ADAMTS12: variants seen among roughly 807,000 people sequenced by gnomAD.
ADAMTS12 encodes ADAM metallopeptidase with thrombospondin type 1 motif 12.
In ADAMTS12, 118 loss-of-function variants were observed where a neutral mutation model predicts 167.8. That is an observed-to-expected ratio of 0.70 (90% CI 0.61 to 0.82). The LOEUF (loss-of-function observed/expected upper bound fraction) is 0.82, where lower values mean the gene tolerates loss of function less well. ADAMTS12 is among the 40% of genes least tolerant of loss of function. ADAMTS12 has a pLI of 0.00. For missense variants in ADAMTS12, 1,916 were observed against 1,998.8 expected, an observed-to-expected ratio of 0.96 and a Z score of 0.79; for synonymous variants, 704 against 716.9, an observed-to-expected ratio of 0.98 and a Z score of 0.29.
At chr5:33,753,419 T>C (rs975097202) in intron 2 of ADAMTS12, among the ~76,000 whole-genome samples, 4 of 152,202 alleles carry the variant, frequency 2.6e-5, no homozygotes, top group Non-Finnish European at 5.9e-5. Context: ...GTACTGAGAT[T>C]TGGTTCCGTT....
At chr5:33,730,638 T>C (rs538800054) in intron 3 of ADAMTS12, among the ~76,000 whole-genome samples, 10 of 152,312 alleles carry the variant, frequency 6.6e-5, no homozygotes, top group Admixed American at 1.3e-4. Flanking sequence ...GTTGCTTCCA[T>C]TGACCTACAG....
intron 16 of ADAMTS12, among the ~76,000 whole-genome samples, chr5:33,613,362 C>T (rs1366242061): frequency 2.0e-5 from 3 of 152,200 alleles, no homozygotes; most frequent in African/African-American, 7.2e-5. Flanking sequence ...TGGGAAAGTT[C>T]ATCCAGCACT....
Position 33,552,663 on chromosome 5 carries a change from G to A in ADAMTS12, c.4126-3280C>T, listed in dbSNP as rs182286732. Among the ~76,000 whole-genome samples, 74 of 152,176 alleles carry A rather than the reference G, an allele frequency of 4.9e-4. 1 individual carries two copies. The East Asian group carries it at 0.013, about 26-fold the overall frequency. The stretch of plus-strand genomic sequence containing the variant: ...ATTCATAAGACCCTTAAAATAATTC[G>A]AAGATCAGATAGTTGTAGGTGTGTG... On this transcript the variant is annotated intron_variant, in intron 20 of 23. Transcript: ENST00000504830.
chr5:33,891,984 C>A lies in ADAMTS12; in HGVS notation c.-128G>T. 1 of 1,166,168 alleles carries A rather than the reference C, an allele frequency of 8.6e-7. No individual in the cohort carries two copies. Among genetic ancestry groups the A allele is most frequent in the Non-Finnish European group, 1.2e-6 (1 of 832,820 alleles). 72.2% of individuals were successfully genotyped at this position (1,166,168 alleles called of 1,614,324 possible). On this transcript the variant is annotated 5_prime_UTR_variant, in exon 1 of 24. Transcript: ENST00000504830. The stretch of plus-strand genomic sequence containing the variant: ...GTCAGGCGCGAGAAGGCAGCGACTG[C>A]AAAGCTGCCCGCGATCTCCCTGTGC...
intron 3 of ADAMTS12, among the ~76,000 whole-genome samples, chr5:33,689,976 T>A (rs1052126337): frequency 3.3e-5 from 5 of 152,226 alleles, no homozygotes; most frequent in African/African-American, 1.2e-4. Context: ...TGACACCATA[T>A]CTGGGGTTCT....
At chr5:33,856,428 G>C (rs575520772) in intron 2 of ADAMTS12, among the ~76,000 whole-genome samples, 1 of 152,190 alleles carries the variant, frequency 6.6e-6, no homozygotes, top group South Asian at 2.1e-4. Flanking sequence ...AAGTCATGCA[G>C]GGAAGGCAGG....
At chr5:33,659,590 A>G (rs1741182598) in intron 6 of ADAMTS12, among the ~76,000 whole-genome samples, 1 of 152,156 alleles carries the variant, frequency 6.6e-6, no homozygotes, top group Non-Finnish European at 1.5e-5. Flanking sequence ...GTCCAGCACT[A>G]AAGAAAAAAG....
At chr5:33,851,078 G>A (rs112927237) in intron 2 of ADAMTS12, among the ~76,000 whole-genome samples, 3 of 152,302 alleles carry the variant, frequency 2.0e-5, no homozygotes, top group Admixed American at 6.5e-5. Flanking sequence ...GTACTCTTCT[G>A]AAGTCTTAAG....
chr5:33,658,558 T>C (rs962782964), intron 6 of ADAMTS12, among the ~76,000 whole-genome samples: 8 of 152,222 alleles, frequency 5.3e-5, no homozygotes, highest in Admixed American at 1.3e-4. Context: ...TGGGAAAATA[T>C]AGCAAATGTG....
chr5:33,713,952 T>C (rs893877791), intron 3 of ADAMTS12, among the ~76,000 whole-genome samples: 1 of 152,144 alleles, frequency 6.6e-6, no homozygotes, highest in Non-Finnish European at 1.5e-5. Flanking sequence ...AACCTTCTTT[T>C]ACAGATAAGA....
intron 3 of ADAMTS12, among the ~76,000 whole-genome samples, chr5:33,741,504 G>A (rs1561246237): frequency 6.6e-6 from 1 of 152,132 alleles, no homozygotes; most frequent in Non-Finnish European, 1.5e-5. Context: ...ACATTCTGAG[G>A]TCCTGGGGGT....
At chr5:33,797,755 T>TA in intron 2 of ADAMTS12, among the ~76,000 whole-genome samples, 1 of 152,148 alleles carries the variant, frequency 6.6e-6, no homozygotes, top group East Asian at 1.9e-4. Flanking sequence ...TTCTTCTTCT[T>TA]AAAAAAAAGT....
chr5:33,566,628 T>C (rs139142963), intron 19 of ADAMTS12, among the ~76,000 whole-genome samples: 39 of 152,322 alleles, frequency 2.6e-4, no homozygotes, highest in African/African-American at 8.4e-4. Context: ...ATGCCTCACC[T>C]GGACTATTGC....
chr5:33,534,693 TC>T (rs1275295614), intron 23 of ADAMTS12, 139 bp downstream of exon 23: 1 of 1,128,204 alleles, frequency 8.9e-7, no homozygotes, highest in African/African-American at 1.6e-5. Context: ...GATAGTTTGT[TC>T]CCAGGGTTAC....
chr5:33,560,180 C>T (rs1360482599), intron 20 of ADAMTS12, among the ~76,000 whole-genome samples: 6 of 152,140 alleles, frequency 3.9e-5, no homozygotes, highest in African/African-American at 1.4e-4. Context: ...TGGGTTACCA[C>T]ATGTGGGTTA....
chr5:33,624,443 A>C, intron 13 of ADAMTS12, 92 bp from the exon 14 acceptor site: 1 of 1,559,700 alleles, frequency 6.4e-7, no homozygotes, highest in Non-Finnish European at 8.7e-7. Flanking sequence ...TTGGTGCTTC[A>C]TAAGACTGGG....
At chr5:33,662,118 A>C in intron 5 of ADAMTS12, 78 bp from the exon 6 acceptor site, 1 of 1,552,720 alleles carries the variant, frequency 6.4e-7, no homozygotes, top group Non-Finnish European at 8.7e-7. Context: ...ATTCATCTCC[A>C]GAGGTGTCCA....
chr5:33,533,989 T>C (rs1744247426), intron 23 of ADAMTS12, among the ~76,000 whole-genome samples: 1 of 152,234 alleles, frequency 6.6e-6, no homozygotes, highest in South Asian at 2.1e-4. Context: ...AGCTCCTGAA[T>C]ATACTCACTT....
At chr5:33,688,170 T>C (rs1017396178) in intron 3 of ADAMTS12, among the ~76,000 whole-genome samples, 5 of 152,138 alleles carry the variant, frequency 3.3e-5, no homozygotes, top group Non-Finnish European at 7.3e-5. Context: ...TGAAGATGAA[T>C]CAGAACCAAT....
Sources: allele counts gnomAD v4.1 joint callset (sites outside exome capture counted in the v4.1 genomes callset), GRCh38; gene constraint gnomAD v4.1.1; transcripts MANE v1.5; gene names NCBI Gene and HGNC (gene_info 2026-07-23, HGNC 2026-07-21).